The following CD44 variants were observed in gnomAD, a reference collection of about 807,000 sequenced individuals.
CD44 encodes CD44 antigen.
CD44 carries 49 observed loss-of-function variants against 88.8 expected under a neutral mutation model. The observed-to-expected ratio is 0.55, with a 90% confidence interval of 0.44 to 0.70. CD44 has a LOEUF of 0.70. Ranked by LOEUF, CD44 falls within the 30% of genes least tolerant of loss-of-function variation. The pLI is 0.00. For synonymous variants in CD44, 325 were observed against 312.3 expected (o/e 1.04, Z -0.43); for missense variants, 883 against 913.8 (o/e 0.97, Z 0.43).
intron 1 of CD44, among the ~76,000 whole-genome samples, chr11:35,158,770 G>C (rs79435758): frequency 9.2e-5 from 14 of 152,214 alleles, no homozygotes; most frequent in Non-Finnish European, 2.9e-5. Flanking sequence ...GTGCATACAG[G>C]CTTCCTGGAA....
intron 16 of CD44, 30 bp from the exon 17 acceptor site, chr11:35,221,624 C>T: frequency 6.3e-7 from 1 of 1,580,092 alleles, no homozygotes; most frequent in Non-Finnish European, 8.7e-7. Flanking sequence ...CTCTGAAGCT[C>T]ACGCATGTCA....
At chr11:35,176,783 G>C in intron 2 of CD44, 43 bp downstream of exon 2, 2 of 1,589,380 alleles carry the variant, frequency 1.3e-6, no homozygotes, top group Non-Finnish European at 1.7e-6. Context: ...CTGGCGGCCT[G>C]GGACCAGGCA....
chr11:35,170,732 A>G lies in CD44; in HGVS notation c.68-5843A>G, dbSNP rs3794109. On this transcript the variant is annotated intron_variant, in intron 1 of 17. Coordinates refer to ENST00000428726, the MANE Select transcript of CD44 (RefSeq NM_000610.4). Reference sequence around the variant, plus strand: ...CAGCCATTTAGTATTAGCTTCTTGAATCAAAGTGGATCCTGAATCACAGAG... The same window carrying G: ...CAGCCATTTAGTATTAGCTTCTTGAGTCAAAGTGGATCCTGAATCACAGAG... Among the ~76,000 whole-genome samples, 24,521 of 152,206 alleles carry G rather than the reference A, an allele frequency of 0.16. 1,975 individuals are homozygous for G. Among genetic ancestry groups the G allele is most frequent in the South Asian group, 0.24 (1,155 of 4,822 alleles).
At chr11:35,227,232 C>T (rs1464203232) in intron 17 of CD44, among the ~76,000 whole-genome samples, 5 of 152,098 alleles carry the variant, frequency 3.3e-5, no homozygotes, top group Admixed American at 2.6e-4. Flanking sequence ...GTCACCCAGG[C>T]TGGAATGCAG....
intron 9 of CD44, among the ~76,000 whole-genome samples, chr11:35,203,158 A>G (rs908916370): frequency 6.6e-6 from 1 of 152,204 alleles, no homozygotes; most frequent in Non-Finnish European, 1.5e-5. Context: ...TCAAATTAAC[A>G]TCACAACTTC....
At position 35,188,938 on chromosome 11, in the gene CD44, G is replaced by GA. The variant is rs111969965; in HGVS notation, c.437-884dup. Among the ~76,000 whole-genome samples the GA allele has an allele frequency of 2.6e-3, 359 of 138,376 alleles. 1 individual carries two copies. Among genetic ancestry groups the GA allele is most frequent in the South Asian group, 7.9e-3 (35 of 4,426 alleles). 90.8% of individuals were successfully genotyped at this position (138,376 alleles called of 152,430 possible). On this transcript the variant is annotated intron_variant, in intron 4 of 17. Transcript: ENST00000428726. ...GGGCAACAGAGTGAGACTCCATCTCGAAAAAAAAAAAAAGTTTCATTTGAG... is the reference window on the plus strand; with the variant it reads ...GGGCAACAGAGTGAGACTCCATCTCGAAAAAAAAAAAAAAGTTTCATTTGAG...
chr11:35,184,006 T>G (rs1945412524), intron 3 of CD44, among the ~76,000 whole-genome samples: 1 of 152,192 alleles, frequency 6.6e-6, no homozygotes, highest in Admixed American at 6.5e-5. Context: ...TCTTGGTTAT[T>G]TTGGTGTGTT....
intron 4 of CD44, among the ~76,000 whole-genome samples, chr11:35,189,360 T>C (rs2133879312): frequency 6.6e-6 from 1 of 152,358 alleles, no homozygotes; most frequent in East Asian, 1.9e-4. Flanking sequence ...CTGAGGCTAT[T>C]AGTCTGCTAC....
At chr11:35,225,560 T>C (rs1949640588) in intron 17 of CD44, among the ~76,000 whole-genome samples, 1 of 152,142 alleles carries the variant, frequency 6.6e-6, no homozygotes, top group Non-Finnish European at 1.5e-5. Context: ...CTCACACCTG[T>C]AATCCCAGCA....
Position 35,230,808 on chromosome 11 carries a change from T to C in CD44, c.*1475T>C, listed in dbSNP as rs564562340. 1 of 152,324 alleles carries C rather than the reference T, an allele frequency of 6.6e-6. No individual in the cohort carries two copies. Among genetic ancestry groups the C allele is most frequent in the East Asian group, 1.9e-4 (1 of 5,182 alleles). 9.4% of individuals were successfully genotyped at this position (152,324 alleles called of 1,614,324 possible). A position where few individuals can be genotyped will look rare whatever the true frequency, so the allele number is the denominator to read the frequency against. On this transcript the variant is annotated 3_prime_UTR_variant, in exon 18 of 18. Transcript: ENST00000428726. Reference sequence around the variant, plus strand: ...TCCTAGAACTTCCAAAGGCTGCTTGTCATAGAAGCCATTGCATCTATAAAG... The same window carrying C: ...TCCTAGAACTTCCAAAGGCTGCTTGCCATAGAAGCCATTGCATCTATAAAG...
chr11:35,153,941 T>A (rs1323685245), intron 1 of CD44, among the ~76,000 whole-genome samples: 2 of 152,012 alleles, frequency 1.3e-5, no homozygotes, highest in African/African-American at 4.8e-5. Flanking sequence ...AGAAAAAAAA[T>A]TTTACTCCTC....
At chr11:35,144,142 G>A (rs540857402) in intron 1 of CD44, among the ~76,000 whole-genome samples, 1 of 152,320 alleles carries the variant, frequency 6.6e-6, no homozygotes, top group South Asian at 2.1e-4. Context: ...TTCAAGGCTG[G>A]GGTCCCCTGA....
chr11:35,139,732 A>T (rs1857529070), intron 1 of CD44: 1 of 519,288 alleles, frequency 1.9e-6, no homozygotes, highest in East Asian at 5.0e-5. Flanking sequence ...GGGCTCGCCA[A>T]GCCCCACCGG....
chr11:35,181,937 T>TATATATATATATTATATATTATATATAAA (rs1565081096), intron 3 of CD44, among the ~76,000 whole-genome samples: 2 of 66,938 alleles, frequency 3.0e-5, no homozygotes, highest in Non-Finnish European at 5.5e-5. Flanking sequence ...TATATATAAA[T>TATATATATATATTATATATTATATATAAA]TATATATAAT....
chr11:35,217,151 A>G (rs945963644), intron 15 of CD44, among the ~76,000 whole-genome samples: 15 of 152,148 alleles, frequency 9.9e-5, no homozygotes, highest in African/African-American at 3.6e-4. Context: ...GTGAGAATCA[A>G]GCAGACAGGA....
chr11:35,158,052 A>G (rs1038277442), intron 1 of CD44, among the ~76,000 whole-genome samples: 3 of 152,072 alleles, frequency 2.0e-5, no homozygotes, highest in Non-Finnish European at 4.4e-5. Flanking sequence ...TGTTCTTTGT[A>G]TTGTTTGGAA....
At chr11:35,219,998 A>G (rs1472360066) in intron 16 of CD44, among the ~76,000 whole-genome samples, 1 of 152,216 alleles carries the variant, frequency 6.6e-6, no homozygotes, top group Admixed American at 6.5e-5. Flanking sequence ...CAAATTCTTT[A>G]TTTGACTTGG....
intron 5 of CD44, among the ~76,000 whole-genome samples, chr11:35,196,468 A>C (rs1438673124): frequency 6.6e-6 from 1 of 152,162 alleles, no homozygotes; most frequent in African/African-American, 2.4e-5. Context: ...CTGACTTCAG[A>C]CAGGTCAGAA....
At chr11:35,162,850 A>T (rs147880938) in intron 1 of CD44, among the ~76,000 whole-genome samples, 214 of 152,238 alleles carry the variant, frequency 1.4e-3, no homozygotes, top group African/African-American at 4.9e-3. Flanking sequence ...CCTGCTTCTT[A>T]TGTGCATGCT....
Sources: gnomAD v4.1 joint callset for allele counts (sites outside exome capture counted in the v4.1 genomes callset) on GRCh38, gnomAD v4.1.1 for gene constraint, MANE v1.5 for transcripts, NCBI Gene and HGNC (gene_info 2026-07-23, HGNC 2026-07-21) for gene names.